The following ABLIM3 variants were observed in gnomAD, a reference collection of about 807,000 sequenced individuals.
The protein encoded by ABLIM3 is actin binding LIM protein family member 3, also known as actin-binding LIM protein 3.
A neutral mutation model predicts 109.5 loss-of-function variants in ABLIM3; 61 were observed. The observed-to-expected ratio is 0.56, with a 90% CI of 0.45 to 0.69. The LOEUF (loss-of-function observed/expected upper bound fraction) is 0.69, where lower values mean the gene tolerates loss of function less well. Ranked by LOEUF, ABLIM3 falls within the 30% of genes least tolerant of loss-of-function variation. The pLI is 0.00. For synonymous variants in ABLIM3, 300 were observed against 324.8 expected, an observed-to-expected ratio of 0.92 and a Z score of 0.82; for missense variants, 796 against 889.5, an observed-to-expected ratio of 0.89 and a Z score of 1.34.
Position 149,237,403 on chromosome 5 carries a change from C to A in ABLIM3, c.889-45C>A, listed in dbSNP as rs778311270. 1.9e-6 allele frequency: 3 copies of A among 1,595,620 alleles called. No homozygotes were observed. The South Asian group carries it at 3.4e-5, about 18-fold the overall frequency. On this transcript the variant is annotated intron_variant, in intron 10 of 23. Coordinates refer to ENST00000309868, the MANE Select transcript of ABLIM3 (RefSeq NM_014945.5). ...GTTTCCTCTCTCCATTCCCTTTTCC[C>A]TCTTATCTTTCTATTCCTTTCCTGT...
intron 15 of ABLIM3, 88 bp from the exon 16 acceptor site, chr5:149,244,793 C>A (rs1581229895): frequency 1.3e-6 from 2 of 1,558,668 alleles, no homozygotes; most frequent in South Asian, 1.1e-5. Context: ...CTCCCCTGGG[C>A]TGGAGCCTGG....
At chr5:149,209,941 G>A (rs1466902563) in intron 6 of ABLIM3, among the ~76,000 whole-genome samples, 4 of 152,090 alleles carry the variant, frequency 2.6e-5, no homozygotes. Flanking sequence ...AGGTCTCTCA[G>A]TGTCTGAGCC....
intron 13 of ABLIM3, 133 bp downstream of exon 13, chr5:149,240,021 C>G: frequency 7.7e-7 from 1 of 1,303,144 alleles, no homozygotes; most frequent in African/African-American, 1.6e-5. Flanking sequence ...AGGCCTATGG[C>G]CACCCAGGTG....
intron 9 of ABLIM3, 55 bp from the exon 10 acceptor site, chr5:149,233,174 C>G: frequency 1.3e-6 from 2 of 1,541,566 alleles, no homozygotes; most frequent in Non-Finnish European, 1.8e-6. Context: ...TCTCACCCTC[C>G]CCACCAAGCT....
chr5:149,232,268 T>A (rs1285003401), intron 9 of ABLIM3, among the ~76,000 whole-genome samples: 1 of 152,224 alleles, frequency 6.6e-6, no homozygotes, highest in African/African-American at 2.4e-5. Context: ...ATTGTGCCTC[T>A]GTACTCCAGC....
intron 5 of ABLIM3, among the ~76,000 whole-genome samples, chr5:149,206,429 C>T (rs1375213012): frequency 6.6e-6 from 1 of 152,194 alleles, no homozygotes; most frequent in Non-Finnish European, 1.5e-5. Flanking sequence ...GGCAAATATG[C>T]TTTGAGTTAC....
chr5:149,166,191 AGG>A (rs1754806642), intron 2 of ABLIM3, among the ~76,000 whole-genome samples: 1 of 152,224 alleles, frequency 6.6e-6, no homozygotes, highest in Non-Finnish European at 1.5e-5. Context: ...GGAACTGAGT[AGG>A]GGCTGTGCCT....
intron 8 of ABLIM3, chr5:149,220,199 A>T (rs979440003): frequency 7.9e-5 from 12 of 152,330 alleles, no homozygotes; most frequent in African/African-American, 2.9e-4. Flanking sequence ...GCAGTGAGCA[A>T]ATCAGTCAAA....
chr5:149,183,543 C>A lies in ABLIM3; in HGVS notation c.105C>A (p.Val35=). 6.3e-7 allele frequency: 1 copy of A among 1,594,834 alleles called. No individual in the cohort carries two copies. Among genetic ancestry groups the A allele is most frequent in the South Asian group, 1.1e-5 (1 of 88,130 alleles). ...GAGACACCTGCAAAGGGGAAGTGGT[C>A]CGCGTGCACAACAACCACTTCCACA... ...RCGDTCKGEV[V]RVHNNHFHIR... Residue 35 remains valine, a synonymous_variant, in exon 3 of 24, where the codon GTC becomes GTA. Transcript: ENST00000309868.
At chr5:149,249,421 A>G (rs1351676015) in intron 18 of ABLIM3, among the ~76,000 whole-genome samples, 1 of 152,250 alleles carries the variant, frequency 6.6e-6, no homozygotes, top group Non-Finnish European at 1.5e-5. Flanking sequence ...GTCTGAAGTT[A>G]GAAATCTACT....
intron 2 of ABLIM3, among the ~76,000 whole-genome samples, chr5:149,142,419 G>T (rs1001465210): frequency 6.6e-6 from 1 of 152,204 alleles, no homozygotes; most frequent in Non-Finnish European, 1.5e-5. Flanking sequence ...GACTGTGGGG[G>T]CTCTGAGGAG....
In ABLIM3 at chr5:149,142,034, A is replaced by T; in HGVS notation, c.-62A>T. 6.2e-7 allele frequency: 1 copy of T among 1,613,998 alleles called. No homozygotes were observed. Among genetic ancestry groups the T allele is most frequent in the South Asian group, 1.1e-5 (1 of 91,078 alleles). On this transcript the variant is annotated 5_prime_UTR_variant, in exon 2 of 24. Transcript: ENST00000309868. ...GTGATGAGTGAGGTTCGAAGAACGG[A>T]AGATTTAAAAAGCAGCCGGGGCCTC...
intron 2 of ABLIM3, among the ~76,000 whole-genome samples, chr5:149,160,461 CAAAA>C (rs35479445): frequency 7.7e-6 from 1 of 130,198 alleles, no homozygotes; most frequent in Non-Finnish European, 1.7e-5. Flanking sequence ...GACTCCGTCT[CAAAA>C]AAAAAAAAAA....
At chr5:149,232,774 T>G (rs573059368) in intron 9 of ABLIM3, among the ~76,000 whole-genome samples, 39 of 152,326 alleles carry the variant, frequency 2.6e-4, no homozygotes, top group African/African-American at 9.4e-4. Flanking sequence ...TTTTTTAAGT[T>G]TATCACTTAA....
At chr5:149,207,202 C>T (rs921233075) in intron 6 of ABLIM3, 68 bp downstream of exon 6, 14 of 1,562,932 alleles carry the variant, frequency 9.0e-6, no homozygotes, top group Non-Finnish European at 1.0e-5. Flanking sequence ...CCCATTGAGC[C>T]CATGCCTACA....
intron 14 of ABLIM3, 75 bp downstream of exon 14, chr5:149,240,849 C>G: frequency 7.3e-7 from 1 of 1,361,250 alleles, no homozygotes; most frequent in Non-Finnish European, 1.0e-6. Flanking sequence ...GTCACCCCCT[C>G]GATGCCACAC....
chr5:149,196,375 C>T (rs1027214961), intron 3 of ABLIM3, among the ~76,000 whole-genome samples: 2 of 152,240 alleles, frequency 1.3e-5, no homozygotes, highest in East Asian at 3.8e-4. Flanking sequence ...ACTCTTCAGA[C>T]TTACAGTCTT....
intron 23 of ABLIM3, 27 bp from the exon 24 acceptor site, chr5:149,258,264 C>T (rs201859686): frequency 1.2e-6 from 2 of 1,604,696 alleles, no homozygotes; most frequent in African/African-American, 1.3e-5. Flanking sequence ...TCTGTCCCCC[C>T]ACCCCCGCCT....
chr5:149,171,676 T>G (rs1288679453), intron 2 of ABLIM3, among the ~76,000 whole-genome samples: 1 of 152,228 alleles, frequency 6.6e-6, no homozygotes, highest in Non-Finnish European at 1.5e-5. Context: ...GAACATAGGA[T>G]GTGGACTTCG....
Sources: allele counts gnomAD v4.1 joint callset (sites outside exome capture counted in the v4.1 genomes callset), GRCh38; gene constraint gnomAD v4.1.1; transcripts MANE v1.5; gene names NCBI Gene and HGNC (gene_info 2026-07-23, HGNC 2026-07-21).